GAD1: variants seen among roughly 807,000 people sequenced by gnomAD.
The protein encoded by GAD1 is 67 kDa glutamic acid decarboxylase.
Under a neutral mutation model 75.2 loss-of-function variants are expected in GAD1, and 35 were observed. The observed-to-expected ratio is 0.47, with a 90% confidence interval of 0.36 to 0.62. GAD1 has a LOEUF of 0.62. Ranked by LOEUF, GAD1 falls within the 20% of genes least tolerant of loss-of-function variation. The pLI is 0.00. For synonymous variants in GAD1, 257 were observed against 271.9 expected, an observed-to-expected ratio of 0.95 and a Z score of 0.54; for missense variants, 490 against 758.5, an observed-to-expected ratio of 0.65 and a Z score of 4.16.
Position 170,850,635 on chromosome 2 carries a change from C to T in GAD1, c.1184+1285C>T, listed in dbSNP as rs549048391. Among the ~76,000 whole-genome samples, 10 of 152,314 alleles carry T rather than the reference C, an allele frequency of 6.6e-5. No individual in the cohort carries two copies. The South Asian group carries it at 1.0e-3, about 16-fold the overall frequency. On this transcript the variant is annotated intron_variant, in intron 12 of 16. Transcript: ENST00000358196. Reference sequence around the variant, plus strand: ...GCTTTTGTTACCTCTACTGTGCCTCCCCAAACTTTTGTCTCAGTTTTGAAA... The same window carrying T: ...GCTTTTGTTACCTCTACTGTGCCTCTCCAAACTTTTGTCTCAGTTTTGAAA...
Position 170,818,717 on chromosome 2 carries a change from A to T in GAD1, c.82+44A>T. On this transcript the variant is annotated intron_variant, in intron 2 of 16. Transcript: ENST00000358196. This position sits in a 1 kb window ranked among gnomAD's most constrained non-coding sequence, Gnocchi z 5.9. ...TTCTATCAAATGAACTGCAGGGAAG[A>T]TGGGGGCGCTGGGACGTCGGGAGGC... The T allele has an allele frequency of 6.3e-7, 1 of 1,584,922 alleles. No homozygotes were observed. Among genetic ancestry groups the T allele is most frequent in the South Asian group, 1.1e-5 (1 of 90,566 alleles).
rs1702941466 is a variant in GAD1, at chr2:170,860,475, T to G, written c.*593T>G. 1 of 154,140 alleles carries G rather than the reference T, an allele frequency of 6.5e-6. No individual in the cohort carries two copies. The highest frequency in any genetic ancestry group is 2.4e-5 in the African/African-American group (1 of 41,430). The allele number at this position is 154,140 out of a possible 1,614,324, so 9.5% of individuals were successfully genotyped here. ...CTATGGCTGTATTTTTAGAGATTAATTTGTGTAGATTGTGTAAATTCCTGT... is the reference window on the plus strand; with the variant it reads ...CTATGGCTGTATTTTTAGAGATTAAGTTGTGTAGATTGTGTAAATTCCTGT... On this transcript the variant is annotated 3_prime_UTR_variant, in exon 17 of 17. Coordinates refer to ENST00000358196, the MANE Select transcript of GAD1 (RefSeq NM_000817.3).
chr2:170,846,850 T>A (rs1168211113), intron 10 of GAD1, among the ~76,000 whole-genome samples: 2 of 152,138 alleles, frequency 1.3e-5, no homozygotes, highest in East Asian at 3.9e-4. Flanking sequence ...CTGTAAAAAA[T>A]TTTAAAAAAT....
chr2:170,847,855 T>C, intron 11 of GAD1, 63 bp downstream of exon 11: 1 of 1,069,072 alleles, frequency 9.4e-7, no homozygotes, highest in Non-Finnish European at 1.5e-6. Flanking sequence ...TTTTATGACT[T>C]GCCTCAAGCT....
intron 5 of GAD1, among the ~76,000 whole-genome samples, chr2:170,833,872 CA>C (rs1382438260): frequency 6.6e-6 from 1 of 152,092 alleles, no homozygotes; most frequent in African/African-American, 2.4e-5. Flanking sequence ...TGGTAGTGTG[CA>C]CCTGTGATCC....
intron 3 of GAD1, chr2:170,829,256 C>A: frequency 1.7e-6 from 1 of 587,728 alleles, no homozygotes; most frequent in Non-Finnish European, 3.0e-6. Flanking sequence ...GTTTTTCTCT[C>A]TTGCATGACT....
At position 170,843,977 on chromosome 2, in the gene GAD1, CTG is replaced by C. The variant is rs1486063854; in HGVS notation, c.639-64_639-63del. The stretch of plus-strand genomic sequence containing the variant: ...CAACTACAAATACTAAACCAATCCT[CTG>C]TGTTCCTAAAATAAGTGGTTTGACT... On this transcript the variant is annotated intron_variant, in intron 6 of 16. Coordinates refer to ENST00000358196, the MANE Select transcript of GAD1 (RefSeq NM_000817.3). The C allele has an allele frequency of 7.0e-6, 6 of 854,842 alleles. No individual in the cohort carries two copies. In the African/African-American group the frequency reaches 8.3e-5, roughly 12 times the overall value. The allele number at this position is 854,842 out of a possible 1,614,324, so 53.0% of individuals were successfully genotyped here. A position where few individuals can be genotyped will look rare whatever the true frequency, so the allele number is the denominator to read the frequency against.
chr2:170,831,932 C>T (rs1176651436), intron 5 of GAD1, among the ~76,000 whole-genome samples: 1 of 150,832 alleles, frequency 6.6e-6, no homozygotes, highest in Non-Finnish European at 1.5e-5. Context: ...TGCCACTGCA[C>T]TCCAGCCTGG....
At chr2:170,859,644 G>C (rs1002462541) in intron 16 of GAD1, 65 bp from the exon 17 acceptor site, 1 of 1,515,590 alleles carries the variant, frequency 6.6e-7, no homozygotes, top group Non-Finnish European at 9.1e-7. Context: ...AAGTTGGGTT[G>C]AATTGTTAAA....
chr2:170,840,982 C>T (rs1372292524), intron 6 of GAD1, among the ~76,000 whole-genome samples: 1 of 152,132 alleles, frequency 6.6e-6, no homozygotes, highest in Non-Finnish European at 1.5e-5. Context: ...GTGAGTTGAA[C>T]CACTGCAAAA....
At chr2:170,817,233 C>CCA (rs1236507325) in intron 1 of GAD1, 185 bp downstream of exon 1, 1 of 112,812 alleles carries the variant, frequency 8.9e-6, no homozygotes, top group Non-Finnish European at 2.2e-5. Flanking sequence ...GGACCCCCCC[C>CCA]CCCCCGCCTC....
intron 15 of GAD1, among the ~76,000 whole-genome samples, chr2:170,858,088 T>A: frequency 6.6e-6 from 1 of 152,228 alleles, no homozygotes; most frequent in East Asian, 1.9e-4. Context: ...GTGACACTGC[T>A]CTGATCATTT....
chr2:170,843,969 C>CCAAT (rs1300629583), intron 6 of GAD1, 76 bp from the exon 7 acceptor site: 6 of 816,600 alleles, frequency 7.3e-6, no homozygotes, highest in Non-Finnish European at 1.3e-5. Context: ...AAATACTAAA[C>CCAAT]CAATCCTCTG....
chr2:170,818,491 G>A lies in GAD1; in HGVS notation c.-63-38G>A. Reference sequence around the variant, plus strand: ...CAGTCCCTCCGGTGTGCAGGACCCCGGAAGTCCTCCCCGCACAGCTCTCGC... The same window carrying A: ...CAGTCCCTCCGGTGTGCAGGACCCCAGAAGTCCTCCCCGCACAGCTCTCGC... On this transcript the variant is annotated intron_variant, in intron 1 of 16. Coordinates refer to ENST00000358196, the MANE Select transcript of GAD1 (RefSeq NM_000817.3). This position sits in a 1 kb window ranked among gnomAD's most constrained non-coding sequence, Gnocchi z 5.9. The A allele has an allele frequency of 1.8e-6, 2 of 1,110,836 alleles. No homozygotes were observed. The highest frequency in any genetic ancestry group is 1.7e-5 in the Admixed American group (1 of 59,338). The allele number at this position is 1,110,836 out of a possible 1,614,324, so 68.8% of individuals were successfully genotyped here. A position where few individuals can be genotyped will look rare whatever the true frequency, so the allele number is the denominator to read the frequency against.
At chr2:170,815,121 G>A (rs916090879), upstream of GAD1, among the ~76,000 whole-genome samples, 28 of 152,112 alleles carry the variant, frequency 1.8e-4, no homozygotes, top group Non-Finnish European at 2.1e-4. Flanking sequence ...CTCTAGGAGG[G>A]CCGGTGGATG....
rs1553580149 is a variant in GAD1 at position 170,845,951 on chromosome 2, TC to T, written c.948-57del. The T allele has an allele frequency of 3.2e-6, 5 of 1,548,712 alleles. No homozygotes were observed. The African/African-American group carries it at 5.4e-5, about 17-fold the overall frequency. On this transcript the variant is annotated intron_variant, in intron 9 of 16. Transcript: ENST00000358196. ...CTTTTTGCTGCTGCTAAAGTTTTTT[TC>T]ATGTGCAATCTCATTGACTCTTCAT...
At chr2:170,838,905 T>C (rs1427412471) in intron 6 of GAD1, among the ~76,000 whole-genome samples, 3 of 152,198 alleles carry the variant, frequency 2.0e-5, no homozygotes, top group Admixed American at 6.5e-5. Context: ...AACAGATCGA[T>C]AGAGAAGGTT....
upstream of GAD1, among the ~76,000 whole-genome samples, chr2:170,815,568 C>G (rs3762556): frequency 0.28 from 43,245 of 152,002 alleles, 6,993 homozygotes; most frequent in East Asian, 0.5. Flanking sequence ...GACGGGCCTC[C>G]GCTGAACCAG....
At chr2:170,828,710 C>A (rs949260610) in intron 3 of GAD1, among the ~76,000 whole-genome samples, 1 of 133,292 alleles carries the variant, frequency 7.5e-6, no homozygotes, top group Non-Finnish European at 1.6e-5. Context: ...GTTGTCCACA[C>A]CCTTCTCCCT....
Sources: gnomAD v4.1 joint callset for allele counts (sites outside exome capture counted in the v4.1 genomes callset) on GRCh38, gnomAD v4.1.1 for gene constraint, Gnocchi (gnomAD v3.1) non-coding constraint, MANE v1.5 for transcripts, NCBI Gene and HGNC (gene_info 2026-07-23, HGNC 2026-07-21) for gene names.